The following DAB1 variants were observed in gnomAD, a reference collection of about 807,000 sequenced individuals.
The protein encoded by DAB1 is DAB adaptor protein 1.
In DAB1, 15 loss-of-function variants were observed where a neutral mutation model predicts 64.6. That is an observed-to-expected ratio of 0.23 (90% confidence interval 0.16 to 0.36). The LOEUF (loss-of-function observed/expected upper bound fraction) is 0.36. DAB1 is among the 10% of genes least tolerant of loss of function. The pLI is 1.00. For synonymous variants in DAB1, 235 were observed against 251.9 expected (o/e 0.93, Z 0.64); for missense variants, 596 against 706.7 (o/e 0.84, Z 1.78).
At chr1:57,596,794 C>G (rs115009774) in intron 7 of DAB1, among the ~76,000 whole-genome samples, 1,626 of 152,330 alleles carry the variant, frequency 0.011, 16 homozygotes, top group Non-Finnish European at 0.016. Flanking sequence ...GCACCAAACA[C>G]AGCGCGTGGA....
chr1:57,874,619 C>A (rs1644012432), intron 1 of DAB1, among the ~76,000 whole-genome samples: 1 of 152,094 alleles, frequency 6.6e-6, no homozygotes, highest in African/African-American at 2.4e-5. Flanking sequence ...CATAAATCAG[C>A]CAGGCCACTG....
chr1:58,322,444 C>A (rs1299029487), intron 4 of DAB1, among the ~76,000 whole-genome samples: 2 of 152,212 alleles, frequency 1.3e-5, no homozygotes, highest in Non-Finnish European at 2.9e-5. Context: ...TGAACAGACA[C>A]TTCTCAAAAG....
At chr1:57,539,797 A>G (rs1274389944) in intron 7 of DAB1, among the ~76,000 whole-genome samples, 2 of 152,232 alleles carry the variant, frequency 1.3e-5, no homozygotes, top group Non-Finnish European at 2.9e-5. Context: ...ACGTCAGGTG[A>G]GTAATGAGAG....
intron 5 of DAB1, chr1:58,080,145 T>A (rs1204898639): frequency 6.6e-6 from 1 of 152,204 alleles, no homozygotes; most frequent in African/African-American, 2.4e-5. Context: ...TAAGGTGTGC[T>A]CAACCCCCAA....
At chr1:57,410,377 G>A (rs1325231750) in intron 1 of DAB1, among the ~76,000 whole-genome samples, 3 of 152,182 alleles carry the variant, frequency 2.0e-5, no homozygotes, top group African/African-American at 7.2e-5. Context: ...GTAGCCTTCA[G>A]AAACTCTCAA....
intron 5 of DAB1, among the ~76,000 whole-genome samples, chr1:57,942,178 T>C (rs796350715): frequency 2.4e-4 from 36 of 152,256 alleles, no homozygotes; most frequent in African/African-American, 8.2e-4. Context: ...CCTTATATCA[T>C]TGCTCACAAG....
At chr1:57,553,710 A>G (rs1199211725) in intron 7 of DAB1, among the ~76,000 whole-genome samples, 1 of 152,072 alleles carries the variant, frequency 6.6e-6, no homozygotes, top group Non-Finnish European at 1.5e-5. Context: ...AATGTTGTCA[A>G]TAGGAGCGAT....
intron 6 of DAB1, among the ~76,000 whole-genome samples, chr1:57,707,153 C>CT (rs1646977605): frequency 6.6e-6 from 1 of 152,100 alleles, no homozygotes; most frequent in African/African-American, 2.4e-5. Flanking sequence ...TCACGCCCTC[C>CT]TACCCCCAAC....
chr1:57,760,384 T>G (rs554719137), intron 6 of DAB1, among the ~76,000 whole-genome samples: 43 of 152,204 alleles, frequency 2.8e-4, no homozygotes, highest in African/African-American at 1.0e-3. Context: ...AAATAAAATA[T>G]AAAGCATTTT....
intron 14 of DAB1, among the ~76,000 whole-genome samples, chr1:57,008,254 T>C (rs1463947911): frequency 1.3e-5 from 2 of 152,216 alleles, no homozygotes; most frequent in African/African-American, 2.4e-5. Context: ...GCAGGCTTTT[T>C]TCTTTTTTTC....
chr1:57,511,581 A>C (rs758822780), intron 7 of DAB1, among the ~76,000 whole-genome samples: 4 of 152,082 alleles, frequency 2.6e-5, no homozygotes, highest in Non-Finnish European at 5.9e-5. Flanking sequence ...TTCTTTGTTT[A>C]TTAATTTCCC....
At chr1:57,786,757 C>T (rs941379576) in intron 6 of DAB1, among the ~76,000 whole-genome samples, 2 of 152,114 alleles carry the variant, frequency 1.3e-5, no homozygotes, top group African/African-American at 4.8e-5. Flanking sequence ...CTCTTGAAAA[C>T]TATGCTGTGT....
chr1:57,717,294 C>A (rs868297590), intron 6 of DAB1, among the ~76,000 whole-genome samples: 1 of 150,836 alleles, frequency 6.6e-6, no homozygotes, highest in African/African-American at 2.4e-5. Context: ...AGAAGACATA[C>A]AAATGCCCCA....
chr1:58,096,481 T>A (rs763964715), intron 5 of DAB1, among the ~76,000 whole-genome samples: 5 of 152,228 alleles, frequency 3.3e-5, no homozygotes, highest in Non-Finnish European at 7.3e-5. Context: ...TATGTGTGTA[T>A]GTGTGTGTGC....
intron 1 of DAB1, chr1:57,860,532 A>G (rs1198603726): frequency 1.3e-5 from 2 of 152,236 alleles, no homozygotes; most frequent in African/African-American, 4.8e-5. Context: ...GCTGGTTGCT[A>G]GGTAACGTCT....
intron 6 of DAB1, among the ~76,000 whole-genome samples, chr1:57,743,131 C>T (rs938479321): frequency 6.6e-6 from 1 of 152,170 alleles, no homozygotes; most frequent in African/African-American, 2.4e-5. Flanking sequence ...AGAAAGGGTA[C>T]TGTCAGGCCT....
chr1:57,481,739 C>T (rs930220837), intron 7 of DAB1, among the ~76,000 whole-genome samples: 7 of 151,698 alleles, frequency 4.6e-5, no homozygotes, highest in African/African-American at 1.5e-4. Flanking sequence ...ATTGCTGGAA[C>T]CCAGAAGGCA....
At chr1:57,305,284 A>C (rs1337003674) in intron 1 of DAB1, among the ~76,000 whole-genome samples, 1 of 152,206 alleles carries the variant, frequency 6.6e-6, no homozygotes, top group East Asian at 1.9e-4. Flanking sequence ...AGTGACTTTC[A>C]GTCTAGGAAG....
chr1:58,199,232 T>C (rs145224368), intron 4 of DAB1, among the ~76,000 whole-genome samples: 1 of 152,348 alleles, frequency 6.6e-6, no homozygotes, highest in African/African-American at 2.4e-5. Context: ...CTGGTCTTGA[T>C]GATGTCTTGT....
Sources: allele counts gnomAD v4.1 joint callset (sites outside exome capture counted in the v4.1 genomes callset), GRCh38; gene constraint gnomAD v4.1.1; transcripts MANE v1.5; gene names NCBI Gene and HGNC (gene_info 2026-07-23, HGNC 2026-07-21).